Variants in TTC27 observed in about 807,000 individuals in gnomAD.
TTC27 encodes the protein tetratricopeptide repeat domain 27.
A neutral mutation model predicts 115.9 loss-of-function variants in TTC27; 79 were observed. The observed-to-expected ratio is 0.68, with a 90% CI of 0.57 to 0.82. TTC27 has a LOEUF of 0.82. Ranked by LOEUF, TTC27 falls within the 40% of genes least tolerant of loss-of-function variation. TTC27 has a pLI of 0.00. For synonymous variants in TTC27, 401 were observed against 356.0 expected, an observed-to-expected ratio of 1.13 and a Z score of -1.42; for missense variants, 1,054 against 993.1, an observed-to-expected ratio of 1.06 and a Z score of -0.82.
At chr2:32,761,957 G>A (rs976298598) in intron 13 of TTC27, among the ~76,000 whole-genome samples, 2 of 152,072 alleles carry the variant, frequency 1.3e-5, no homozygotes, top group Admixed American at 6.5e-5. Context: ...TGCCCTGCAC[G>A]TAGCACTGAG....
chr2:32,692,933 A>G (rs1666865104), intron 9 of TTC27, among the ~76,000 whole-genome samples: 1 of 151,828 alleles, frequency 6.6e-6, no homozygotes, highest in Non-Finnish European at 1.5e-5. Flanking sequence ...CTGAGATCGC[A>G]CTACTGTACT....
At chr2:32,810,831 A>C (rs895935267) in intron 16 of TTC27, among the ~76,000 whole-genome samples, 193 bp from the exon 17 acceptor site, 1 of 152,218 alleles carries the variant, frequency 6.6e-6, no homozygotes, top group African/African-American at 2.4e-5. Context: ...TCAGAGAGGT[A>C]GTCACCATGA....
At chr2:32,818,432 C>T (rs951550299) in intron 19 of TTC27, among the ~76,000 whole-genome samples, 9 of 152,142 alleles carry the variant, frequency 5.9e-5, no homozygotes, top group African/African-American at 1.2e-4. Flanking sequence ...AACTGAAATA[C>T]GCCATTAGTT....
intron 16 of TTC27, among the ~76,000 whole-genome samples, chr2:32,810,302 G>C (rs919416242): frequency 6.6e-6 from 1 of 152,168 alleles, no homozygotes; most frequent in East Asian, 1.9e-4. Context: ...AATGAGGCCT[G>C]AACTTAGGTA....
At chr2:32,629,522 C>T (rs1325245642) in intron 1 of TTC27, among the ~76,000 whole-genome samples, 1 of 152,102 alleles carries the variant, frequency 6.6e-6, no homozygotes, top group African/African-American at 2.4e-5. Flanking sequence ...GCAAGCTCCA[C>T]CTCCCGGGTT....
intron 4 of TTC27, among the ~76,000 whole-genome samples, chr2:32,642,247 ATTTTTTT>A (rs10634857): frequency 6.9e-5 from 7 of 102,154 alleles, no homozygotes; most frequent in Non-Finnish European, 1.3e-4. Flanking sequence ...TATACACTAA[ATTTTTTT>A]TTTTTTTTTT....
rs982093733 is a variant in TTC27, at chr2:32,734,119, T to C, written c.1329+196T>C. 2.6e-5 allele frequency among the ~76,000 whole-genome samples: 4 copies of C among 152,354 alleles called. No homozygotes were observed. The East Asian group carries it at 5.8e-4, about 22-fold the overall frequency. ...GTGATATTAGACTCATAAAACATTT[T>C]TAAAATAATTTAAAATCTTATGAAA... On this transcript the variant is annotated intron_variant, in intron 11 of 19. Coordinates refer to ENST00000317907, the MANE Select transcript of TTC27 (RefSeq NM_017735.5).
intron 4 of TTC27, among the ~76,000 whole-genome samples, chr2:32,641,335 A>G (rs971486149): frequency 2.6e-5 from 4 of 152,258 alleles, no homozygotes; most frequent in African/African-American, 9.6e-5. Context: ...TTGTAGTGTT[A>G]GAGCAGCTGT....
At chr2:32,648,734 G>C (rs188120112) in intron 4 of TTC27, among the ~76,000 whole-genome samples, 1 of 152,172 alleles carries the variant, frequency 6.6e-6, no homozygotes, top group East Asian at 1.9e-4. Context: ...TTTCCTACTG[G>C]GTGCAGTGCC....
chr2:32,659,897 TCTTTATC>T (rs1220961000), intron 5 of TTC27, among the ~76,000 whole-genome samples: 34 of 152,312 alleles, frequency 2.2e-4, no homozygotes, highest in African/African-American at 6.3e-4. Context: ...TGCCACATTT[TCTTTATC>T]CAGTCTATCA....
intron 3 of TTC27, among the ~76,000 whole-genome samples, chr2:32,636,861 A>G (rs1475425503): frequency 1.3e-5 from 2 of 152,218 alleles, no homozygotes; most frequent in Non-Finnish European, 2.9e-5. Flanking sequence ...TAGAAAATGG[A>G]TAGAGAAGAG....
intron 4 of TTC27, 66 bp from the exon 5 acceptor site, chr2:32,650,065 C>A (rs1665032469): frequency 7.6e-7 from 1 of 1,319,364 alleles, no homozygotes; most frequent in South Asian, 1.3e-5. Context: ...CTAAAAATCT[C>A]AGTTAATGTA....
chr2:32,818,148 T>G (rs763298225), intron 19 of TTC27, among the ~76,000 whole-genome samples: 3 of 152,182 alleles, frequency 2.0e-5, no homozygotes, highest in Non-Finnish European at 4.4e-5. Flanking sequence ...CTTGTATTTA[T>G]TGTCATTTTC....
intron 16 of TTC27, among the ~76,000 whole-genome samples, chr2:32,802,049 A>G (rs1199181143): frequency 1.3e-5 from 2 of 152,116 alleles, no homozygotes; most frequent in African/African-American, 4.8e-5. Context: ...GTGTATATGG[A>G]TATATGCATA....
At chr2:32,676,941 A>C (rs1258420365) in intron 8 of TTC27, among the ~76,000 whole-genome samples, 1 of 151,618 alleles carries the variant, frequency 6.6e-6, no homozygotes, top group Non-Finnish European at 1.5e-5. Context: ...GGAATGTTTC[A>C]TATATTAAGA....
At chr2:32,804,251 T>C (rs1166601795) in intron 16 of TTC27, among the ~76,000 whole-genome samples, 1 of 152,202 alleles carries the variant, frequency 6.6e-6, no homozygotes, top group Non-Finnish European at 1.5e-5. Flanking sequence ...GTACTATTCA[T>C]TGGCACCTAA....
At chr2:32,812,706 T>C in intron 18 of TTC27, 91 bp downstream of exon 18, 1 of 914,866 alleles carries the variant, frequency 1.1e-6, no homozygotes, top group East Asian at 2.6e-5. Context: ...AGTTCCATTA[T>C]AAATAGTATC....
chr2:32,687,348 C>G (rs1368984428), intron 9 of TTC27, among the ~76,000 whole-genome samples: 1 of 152,110 alleles, frequency 6.6e-6, no homozygotes, highest in East Asian at 1.9e-4. Context: ...AGTAAGAAGT[C>G]AAGGTGGCAA....
intron 10 of TTC27, among the ~76,000 whole-genome samples, chr2:32,716,605 C>T (rs1020440058): frequency 1.3e-5 from 2 of 152,128 alleles, no homozygotes; most frequent in South Asian, 2.1e-4. Flanking sequence ...TTCATCTCCT[C>T]TTCCATTTTT....
Sources: allele counts gnomAD v4.1 joint callset (sites outside exome capture counted in the v4.1 genomes callset), GRCh38; gene constraint gnomAD v4.1.1; transcripts MANE v1.5; gene names NCBI Gene and HGNC (gene_info 2026-07-23, HGNC 2026-07-21).